Variants in POTEE observed in about 807,000 individuals in gnomAD.
POTEE encodes the protein ANKRD26-like family C member 1A.
A neutral mutation model predicts 74.2 loss-of-function variants in POTEE; 21 were observed. The observed-to-expected ratio is 0.28, with a 90% CI of 0.20 to 0.41. The LOEUF is 0.41. Among genes scored for constraint, POTEE ranks in the 10% least tolerant of loss-of-function variants. The pLI is 1.00. For synonymous variants in POTEE, 211 were observed against 432.8 expected, an observed-to-expected ratio of 0.49 and a Z score of 6.36; for missense variants, 525 against 1,158.6, an observed-to-expected ratio of 0.45 and a Z score of 7.94.
intron 1 of POTEE, among the ~76,000 whole-genome samples, chr2:131,210,739 C>A (rs1323196759): frequency 6.7e-6 from 1 of 148,500 alleles, no homozygotes; most frequent in Non-Finnish European, 1.5e-5. Context: ...GAACGGGAAC[C>A]AGCAGTTGAG....
rs1402413109 is a variant in POTEE at position 131,218,190 on chromosome 2, A to T, written c.-93-120A>T. 61 of 777,538 alleles carry T rather than the reference A, an allele frequency of 7.8e-5. No individual in the cohort carries two copies. The East Asian group carries it at 1.5e-3, about 20-fold the overall frequency. The allele number at this position is 777,538 out of a possible 1,614,324, so 48.2% of individuals were successfully genotyped here. A position where few individuals can be genotyped will look rare whatever the true frequency, so the allele number is the denominator to read the frequency against. Reference sequence around the variant, plus strand: ...TTCTGGGGTGGGCGTGGGGTCGCCCAGGGGGGGCGTGGGCTTTCCTCGGGT... The same window carrying T: ...TTCTGGGGTGGGCGTGGGGTCGCCCTGGGGGGGCGTGGGCTTTCCTCGGGT... On this transcript the variant is annotated intron_variant, in intron 3 of 17. Transcript: ENST00000683005.
intron 16 of POTEE, among the ~76,000 whole-genome samples, 168 bp downstream of exon 16, chr2:131,253,267 C>T: frequency 1.3e-5 from 2 of 149,766 alleles, no homozygotes; most frequent in Admixed American, 6.7e-5. Flanking sequence ...CGTTTTTTTT[C>T]CAGTCATTAA....
At chr2:131,219,509 C>T (rs1230837818) in intron 4 of POTEE, among the ~76,000 whole-genome samples, 2 of 151,982 alleles carry the variant, frequency 1.3e-5, no homozygotes, top group African/African-American at 2.4e-5. Flanking sequence ...GGGAGGCGGG[C>T]GGATCACGAG....
chr2:131,221,990 A>G lies in POTEE; in HGVS notation c.522-1606A>G, dbSNP rs1470062299. The stretch of plus-strand genomic sequence containing the variant: ...GGATCCTTCCACCTTTGAAAACTTC[A>G]TGTTTATCTGCTGGGCTTGAGCAAG... On this transcript the variant is annotated intron_variant, in intron 4 of 17. Coordinates refer to ENST00000683005, the MANE Select transcript of POTEE (RefSeq NM_001083538.3). Among the ~76,000 whole-genome samples the G allele has an allele frequency of 7.9e-5, 12 of 152,392 alleles. No individual in the cohort carries two copies. In the East Asian group the frequency reaches 2.1e-3, roughly 27 times the overall value.
chr2:131,226,035 A>T, intron 6 of POTEE, among the ~76,000 whole-genome samples: 1 of 152,180 alleles, frequency 6.6e-6, no homozygotes, highest in Non-Finnish European at 1.5e-5. Flanking sequence ...TCAAGTGCTT[A>T]GGTCAGTAAG....
intron 16 of POTEE, among the ~76,000 whole-genome samples, chr2:131,260,181 G>A (rs1189182236): frequency 6.7e-6 from 1 of 149,018 alleles, no homozygotes; most frequent in Non-Finnish European, 1.5e-5. Context: ...CTATGTATCT[G>A]TTTTTATACG....
chr2:131,243,219 GTCA>G (rs1347416643), intron 12 of POTEE, among the ~76,000 whole-genome samples: 2 of 152,164 alleles, frequency 1.3e-5, no homozygotes, highest in Admixed American at 6.5e-5. Context: ...TTAACCTTAT[GTCA>G]TCGTTTCTTA....
At chr2:131,217,747 C>A (rs1194841933) in intron 3 of POTEE, among the ~76,000 whole-genome samples, 64 bp downstream of exon 3, 48 of 143,454 alleles carry the variant, frequency 3.3e-4, no homozygotes, top group African/African-American at 1.2e-3. Flanking sequence ...GATAAGCACG[C>A]CGCACGCCGC....
chr2:131,221,581 G>C (rs1259736869), intron 4 of POTEE, among the ~76,000 whole-genome samples: 2 of 152,078 alleles, frequency 1.3e-5, no homozygotes, highest in African/African-American at 4.8e-5. Flanking sequence ...CAAATAATTT[G>C]TCACATTCTA....
Position 131,220,541 on chromosome 2 carries a change from AT to A in POTEE, c.521+1620del, listed in dbSNP as rs1323697656. ...CATAATAAAATAAGCTCATTTTAAA[AT>A]TGGGCAAAGTACTTTTTTTGCATAT... On this transcript the variant is annotated intron_variant, in intron 4 of 17. Coordinates refer to ENST00000683005, the MANE Select transcript of POTEE (RefSeq NM_001083538.3). 5.9e-5 allele frequency among the ~76,000 whole-genome samples: 9 copies of A among 152,278 alleles called. No individual in the cohort carries two copies. In the East Asian group the frequency reaches 1.3e-3, roughly 23 times the overall value.
intron 4 of POTEE, among the ~76,000 whole-genome samples, chr2:131,223,372 T>G (rs1208830187): frequency 6.7e-6 from 1 of 149,360 alleles, no homozygotes; most frequent in Admixed American, 6.6e-5. Flanking sequence ...CCACGTTGAA[T>G]GTCATCCAAG....
rs998982943 is a variant in POTEE at position 131,223,367 on chromosome 2, T to C, written c.522-229T>C. ...GCTTCAAGTAGGATTCCAGCCCACG[T>C]TGAATGTCATCCAAGGGCTATGCTC... On this transcript the variant is annotated intron_variant, in intron 4 of 17. Coordinates refer to ENST00000683005, the MANE Select transcript of POTEE (RefSeq NM_001083538.3). Among the ~76,000 whole-genome samples, 42 of 149,442 alleles carry C rather than the reference T, an allele frequency of 2.8e-4. 3 individuals carry two copies. The highest frequency in any genetic ancestry group is 1.1e-3 in the African/African-American group (42 of 39,120).
At chr2:131,228,048 G>A (rs577745650) in intron 7 of POTEE, among the ~76,000 whole-genome samples, 196 bp from the exon 8 acceptor site, 1 of 151,238 alleles carries the variant, frequency 6.6e-6, no homozygotes, top group African/African-American at 2.5e-5. Flanking sequence ...TGAGATAAGA[G>A]GGTTTTTTTT....
intron 4 of POTEE, among the ~76,000 whole-genome samples, 182 bp downstream of exon 4, chr2:131,219,105 CT>C (rs1700535888): frequency 2.0e-5 from 3 of 151,478 alleles, no homozygotes; most frequent in Admixed American, 6.6e-5. Context: ...AAAAACAAAA[CT>C]TTAGCTGATT....
chr2:131,237,926 T>C (rs1220299025), intron 10 of POTEE, among the ~76,000 whole-genome samples: 1 of 152,288 alleles, frequency 6.6e-6, no homozygotes, highest in Non-Finnish European at 1.5e-5. Flanking sequence ...TTCACGTTTT[T>C]TTTCTTCCTT....
intron 9 of POTEE, among the ~76,000 whole-genome samples, chr2:131,232,097 C>A (rs1300802944): frequency 1.3e-5 from 2 of 148,576 alleles, no homozygotes; most frequent in Non-Finnish European, 1.5e-5. Flanking sequence ...TAGATAGTAA[C>A]CATTTTTCTA....
chr2:131,264,074 T>C lies in POTEE; in HGVS notation c.2619T>C (p.His873=). Residue 873 remains histidine, a synonymous_variant, in exon 18 of 18, where the codon CAT becomes CAC. Coordinates refer to ENST00000683005, the MANE Select transcript of POTEE (RefSeq NM_001083538.3). ...TCTATGAGGGGAATGCCCTCCCCCA[T>C]GCCACCCTGCGCCTAGACCTGGCTG... ...VPIYEGNALP[H]ATLRLDLAGR... 1.2e-6 allele frequency: 2 copies of C among 1,614,238 alleles called. No individual in the cohort carries two copies. The highest frequency in any genetic ancestry group is 2.2e-5 in the South Asian group (2 of 91,086).
At position 131,240,111 on chromosome 2, in the gene POTEE, A is replaced by G. The variant is rs1268768690; in HGVS notation, c.1409+667A>G. ...GTATAACAATAAGGATATATAATATATGTAAAGGATATTTGTGTAGATTTG... is the reference window on the plus strand; with the variant it reads ...GTATAACAATAAGGATATATAATATGTGTAAAGGATATTTGTGTAGATTTG... On this transcript the variant is annotated intron_variant, in intron 12 of 17. Transcript: ENST00000683005. 2.1e-5 allele frequency among the ~76,000 whole-genome samples: 3 copies of G among 143,608 alleles called. No homozygotes were observed. The East Asian group carries it at 6.8e-4, about 32-fold the overall frequency. 94.2% of individuals were successfully genotyped at this position (143,608 alleles called of 152,430 possible). A position where few individuals can be genotyped will look rare whatever the true frequency, so the allele number is the denominator to read the frequency against.
intron 10 of POTEE, 89 bp from the exon 11 acceptor site, chr2:131,238,105 A>C (rs1701200008): frequency 6.7e-7 from 1 of 1,494,304 alleles, no homozygotes. Context: ...ATTAGTTAAG[A>C]ATAAAATTTT....
Sources: allele counts gnomAD v4.1 joint callset (sites outside exome capture counted in the v4.1 genomes callset), GRCh38; gene constraint gnomAD v4.1.1; transcripts MANE v1.5; gene names NCBI Gene and HGNC (gene_info 2026-07-23, HGNC 2026-07-21).